Variants in EFCAB8 observed in about 807,000 individuals in gnomAD.
EFCAB8 encodes the protein EF-hand calcium binding domain 8.
In EFCAB8, 100 loss-of-function variants were observed where a neutral mutation model predicts 116.3. The ratio of observed to expected loss-of-function variants is 0.86; its 90% CI spans 0.73 to 1.02. The LOEUF (loss-of-function observed/expected upper bound fraction) is 1.02, where lower values mean the gene tolerates loss of function less well. Among genes scored for constraint, EFCAB8 ranks in the 50% least tolerant of loss-of-function variants. EFCAB8 has a pLI of 0.00. For synonymous variants in EFCAB8, 558 were observed against 567.9 expected, an observed-to-expected ratio of 0.98 and a Z score of 0.25; for missense variants, 1,320 against 1,416.9, an observed-to-expected ratio of 0.93 and a Z score of 1.10.
intron 11 of EFCAB8, among the ~76,000 whole-genome samples, chr20:32,902,880 G>A (rs1282260315): frequency 6.6e-6 from 1 of 152,186 alleles, no homozygotes; most frequent in East Asian, 1.9e-4. Flanking sequence ...GACGGAGCGG[G>A]TGTGGTAGCA....
chr20:32,934,013 CT>C (rs112853872), intron 22 of EFCAB8, among the ~76,000 whole-genome samples: 87 of 140,554 alleles, frequency 6.2e-4, no homozygotes, highest in East Asian at 1.5e-3. Context: ...AAATCAAAAA[CT>C]TTTTTTTTTT....
chr20:32,909,834 A>G lies in EFCAB8; in HGVS notation c.1460A>G (p.Lys487Arg), dbSNP rs1410563773. Reference sequence around the variant, plus strand: ...CCTCACCTACAGATCGGGATCCTAAAAGGGTACTTAGAGGCCCAGGGGCTT... The same window carrying G: ...CCTCACCTACAGATCGGGATCCTAAGAGGGTACTTAGAGGCCCAGGGGCTT... ...ICSTYSIGIL[K>R]GYLEAQGLIK... Residue 487 changes from lysine (K) to arginine (R), a missense_variant, in exon 15 of 27, where the codon AAA becomes AGA. Lys to Arg is a conservative substitution (Grantham distance 26). Coordinates refer to ENST00000400522, the MANE Select transcript of EFCAB8 (RefSeq NM_001143967.2). The G allele has an allele frequency of 8.0e-7, 1 of 1,249,490 alleles. No individual in the cohort carries two copies. The highest frequency in any genetic ancestry group is 1.0e-6 in the Non-Finnish European group (1 of 988,020). 77.4% of individuals were successfully genotyped at this position (1,249,490 alleles called of 1,614,324 possible). A position where few individuals can be genotyped will look rare whatever the true frequency, so the allele number is the denominator to read the frequency against.
chr20:32,863,122 C>T (rs1241584671), intron 1 of EFCAB8, among the ~76,000 whole-genome samples: 1 of 152,020 alleles, frequency 6.6e-6, no homozygotes, highest in East Asian at 1.9e-4. Context: ...GTGTCTTGGG[C>T]TTAACTATTT....
At chr20:32,903,112 A>G (rs1202581758) in intron 11 of EFCAB8, among the ~76,000 whole-genome samples, 3 of 152,184 alleles carry the variant, frequency 2.0e-5, no homozygotes, top group South Asian at 2.1e-4. Context: ...GGAGCCTTCA[A>G]CGGCTCCTGG....
chr20:32,935,207 T>C (rs1307715022), intron 22 of EFCAB8, among the ~76,000 whole-genome samples: 1 of 130,962 alleles, frequency 7.6e-6, no homozygotes, highest in Non-Finnish European at 1.6e-5. Context: ...TTTTTTTTTT[T>C]TTTTTTTTTT....
intron 20 of EFCAB8, among the ~76,000 whole-genome samples, chr20:32,927,850 A>G (rs1274191342): frequency 1.3e-5 from 2 of 152,142 alleles, no homozygotes. Flanking sequence ...TGAAATACAC[A>G]TAACATAAAA....
intron 22 of EFCAB8, among the ~76,000 whole-genome samples, chr20:32,932,975 T>C (rs1987966303): frequency 6.6e-6 from 1 of 152,240 alleles, no homozygotes; most frequent in Admixed American, 6.5e-5. Context: ...TGTCAGTATG[T>C]GAAGAATTTA....
rs1989139223 is a variant in EFCAB8, at chr20:32,961,210, C to G, written c.3468C>G (p.Ser1156Arg). 6.4e-7 allele frequency: 1 copy of G among 1,551,998 alleles called. No individual in the cohort carries two copies. The highest frequency in any genetic ancestry group is 1.2e-5 in the South Asian group (1 of 84,070). ...CTCAGCAGCCTGACTTCCTGACCAG[C>G]AGGGGCCCAGACCAGCAAGACCAGC... is the stretch of plus-strand genomic sequence containing the variant. ...MPTQQPDFLT[S>R]RGPDQQDQHI... Residue 1156 changes from serine (S) to arginine (R), a missense_variant, in exon 27 of 27, where the codon AGC (serine) becomes AGG (arginine). Coordinates refer to ENST00000400522, the MANE Select transcript of EFCAB8 (RefSeq NM_001143967.2).
intron 2 of EFCAB8, among the ~76,000 whole-genome samples, chr20:32,866,902 C>CTCTT (rs1228764472): frequency 6.9e-6 from 1 of 144,976 alleles, no homozygotes; most frequent in Admixed American, 7.2e-5. Flanking sequence ...TTCTCTCTCT[C>CTCTT]TCTTTCTTTC....
At chr20:32,872,048 A>AGT (rs1984708670) in intron 3 of EFCAB8, among the ~76,000 whole-genome samples, 1 of 152,192 alleles carries the variant, frequency 6.6e-6, no homozygotes, top group African/African-American at 2.4e-5. Flanking sequence ...CTCCAGATAA[A>AGT]CAAGATGGGT....
At position 32,961,512 on chromosome 20, in the gene EFCAB8, C is replaced by T; in HGVS notation, c.3770C>T (p.Thr1257Ile). 7.0e-7 allele frequency: 1 copy of T among 1,428,006 alleles called. No homozygotes were observed. Among genetic ancestry groups the T allele is most frequent in the Non-Finnish European group, 9.2e-7 (1 of 1,087,882 alleles). The allele number at this position is 1,428,006 out of a possible 1,614,324, so 88.5% of individuals were successfully genotyped here. A position where few individuals can be genotyped will look rare whatever the true frequency, so the allele number is the denominator to read the frequency against. ...AAGTCCACCCTGCAGGGGTCAGTGACCCCCAAGCACATTGTCTCCTCCTTC... is the reference window on the plus strand; with the variant it reads ...AAGTCCACCCTGCAGGGGTCAGTGATCCCCAAGCACATTGTCTCCTCCTTC... ...VSKSTLQGSV[T>I]PKHIVSSFER... Residue 1257 changes from threonine to isoleucine, a missense_variant, in exon 27 of 27, where the codon ACC (threonine) becomes ATC (isoleucine). Thr to Ile is a moderately conservative substitution (Grantham distance 89). Transcript: ENST00000400522.
At chr20:32,924,106 T>C (rs546721253) in intron 20 of EFCAB8, among the ~76,000 whole-genome samples, 3 of 152,294 alleles carry the variant, frequency 2.0e-5, no homozygotes, top group South Asian at 4.1e-4. Flanking sequence ...CAGGCTGGAG[T>C]GCAGTGGCAC....
intron 4 of EFCAB8, among the ~76,000 whole-genome samples, chr20:32,876,515 CT>C (rs35737599): frequency 6.6e-6 from 1 of 152,200 alleles, no homozygotes; most frequent in Non-Finnish European, 1.5e-5. Flanking sequence ...GAATATACAG[CT>C]TTTTAAGCAT....
chr20:32,860,708 T>C (rs371819020), intron 1 of EFCAB8, among the ~76,000 whole-genome samples: 56 of 152,114 alleles, frequency 3.7e-4, no homozygotes, highest in African/African-American at 9.4e-4. Flanking sequence ...GGCATCATAG[T>C]GTGCACCCTT....
At chr20:32,913,841 C>T (rs573088705) in intron 17 of EFCAB8, among the ~76,000 whole-genome samples, 17 of 152,354 alleles carry the variant, frequency 1.1e-4, no homozygotes, top group South Asian at 2.1e-4. Context: ...GCTAGTAGAC[C>T]TTAAATCTCA....
At position 32,897,397 on chromosome 20, in the gene EFCAB8, C is replaced by T. The variant is rs576931376; in HGVS notation, c.957+870C>T. Among the ~76,000 whole-genome samples the T allele has an allele frequency of 6.6e-5, 10 of 151,948 alleles. No individual in the cohort carries two copies. The South Asian group carries it at 1.3e-3, about 19-fold the overall frequency. ...GCTGCACAAATGAATGAATGAATGA[C>T]GCACTCAGGGCGGTCTGGGTGATCC... On this transcript the variant is annotated intron_variant, in intron 10 of 26. Transcript: ENST00000400522.
At chr20:32,960,402 G>A (rs1359409884) in intron 26 of EFCAB8, among the ~76,000 whole-genome samples, 3 of 152,204 alleles carry the variant, frequency 2.0e-5, no homozygotes, top group Non-Finnish European at 4.4e-5. Context: ...AAGCCTCAAG[G>A]GCCTGTGGGA....
At chr20:32,859,383 G>A (rs775192384) in intron 1 of EFCAB8, among the ~76,000 whole-genome samples, 2 of 152,264 alleles carry the variant, frequency 1.3e-5, no homozygotes, top group South Asian at 4.1e-4. Context: ...TTACATCTCA[G>A]CCTTCCCTTC....
chr20:32,936,056 G>A (rs1402427456), intron 22 of EFCAB8, among the ~76,000 whole-genome samples: 3 of 150,182 alleles, frequency 2.0e-5, no homozygotes, highest in South Asian at 2.1e-4. Flanking sequence ...TTTTTGAAAC[G>A]GAGTCTTGCT....
Sources: gnomAD v4.1 joint callset for allele counts (sites outside exome capture counted in the v4.1 genomes callset) on GRCh38, gnomAD v4.1.1 for gene constraint, MANE v1.5 for transcripts, NCBI Gene and HGNC (gene_info 2026-07-23, HGNC 2026-07-21) for gene names.